Variants in ELP2 observed in about 807,000 individuals in gnomAD.
The protein encoded by ELP2 is elongator acetyltransferase complex subunit 2.
A neutral mutation model predicts 119.2 loss-of-function variants in ELP2; 90 were observed. The ratio of observed to expected loss-of-function variants is 0.75; its 90% CI spans 0.64 to 0.90. The LOEUF (loss-of-function observed/expected upper bound fraction) is 0.90, where lower values mean the gene tolerates loss of function less well. Ranked by LOEUF, ELP2 falls within the 40% of genes least tolerant of loss-of-function variation. The pLI is 0.00. For missense variants in ELP2, 921 were observed against 967.8 expected (o/e 0.95, Z 0.64); for synonymous variants, 339 against 331.0 (o/e 1.02, Z -0.26).
In ELP2 at chr18:36,154,955, A is replaced by G. The variant is rs762562709; in HGVS notation, c.1231A>G (p.Thr411Ala). 9 of 1,613,936 alleles carry G rather than the reference A, an allele frequency of 5.6e-6. No homozygotes were observed. The highest frequency in any genetic ancestry group is 7.6e-6 in the Non-Finnish European group (9 of 1,179,896). Residue 411 changes from threonine to alanine, a missense_variant, in exon 12 of 22, where the codon ACA becomes GCA. Physicochemically the swap from Thr to Ala is moderately conservative, Grantham distance 58. Coordinates refer to ENST00000358232, the MANE Select transcript of ELP2 (RefSeq NM_018255.4). ...TATTATCACTGTTGGTACTGATCAGACAACTAGACTTTTTGCTCCATGGAA... is the reference window on the plus strand; with the variant it reads ...TATTATCACTGTTGGTACTGATCAGGCAACTAGACTTTTTGCTCCATGGAA... ...EFIITVGTDQ[T>A]TRLFAPWKRK... is the part of the protein sequence containing the mutation.
At chr18:36,170,302 CTT>C (rs927647218) in intron 20 of ELP2, 106 bp downstream of exon 20, 1 of 1,263,312 alleles carries the variant, frequency 7.9e-7, no homozygotes, top group African/African-American at 1.5e-5. Flanking sequence ...GAGTTACTGT[CTT>C]TTTTTTCTTT....
At chr18:36,147,588 A>G (rs1899571237) in intron 11 of ELP2, among the ~76,000 whole-genome samples, 1 of 151,072 alleles carries the variant, frequency 6.6e-6, no homozygotes, top group African/African-American at 2.4e-5. Flanking sequence ...CTAATTTTGT[A>G]TTTTTATTAG....
At chr18:36,142,753 T>C (rs3737471) in intron 7 of ELP2, 73 bp from the exon 8 acceptor site, 56,230 of 989,400 alleles carry the variant, frequency 0.057, 2,069 homozygotes, top group East Asian at 0.12. Flanking sequence ...ATATATATTA[T>C]AGACAAAAAA....
At position 36,138,815 on chromosome 18, in the gene ELP2, A is replaced by T; in HGVS notation, c.466A>T (p.Asn156Tyr). 6.2e-7 allele frequency: 1 copy of T among 1,613,938 alleles called. No homozygotes were observed. Among genetic ancestry groups the T allele is most frequent in the South Asian group, 1.1e-5 (1 of 91,074 alleles). ...GPEVMCLQTL[N>Y]FGNGFALALC... is the part of the protein sequence containing the mutation. ...CTTAGTAATGTGCCTTCAGACTTTA[A>T]ACTTTGGAAATGGATTTGCTTTGGC... The change falls in exon 5 of 22, where the codon AAC (asparagine) becomes TAC (tyrosine). Residue 156 changes from asparagine (N) to tyrosine (Y), a missense_variant. Asn to Tyr is a moderately radical substitution (Grantham distance 143). Coordinates refer to ENST00000358232, the MANE Select transcript of ELP2 (RefSeq NM_018255.4).
chr18:36,139,676 G>A, intron 5 of ELP2: 3 of 1,398,568 alleles, frequency 2.1e-6, no homozygotes, highest in Non-Finnish European at 2.8e-6. Context: ...TCTAAAGTAA[G>A]AAAATCTTTG....
intron 1 of ELP2, among the ~76,000 whole-genome samples, chr18:36,130,588 G>A (rs887262432): frequency 1.3e-5 from 2 of 152,150 alleles, no homozygotes; most frequent in African/African-American, 4.8e-5. Context: ...GGTCATAGGG[G>A]ATGGGGATCC....
chr18:36,130,647 T>C (rs1010955), intron 1 of ELP2, among the ~76,000 whole-genome samples: 54,036 of 151,942 alleles, frequency 0.36, 9,696 homozygotes, highest in Middle Eastern at 0.43. Flanking sequence ...CCCAGTCAGT[T>C]GGTTATTTTC....
intron 19 of ELP2, among the ~76,000 whole-genome samples, chr18:36,168,646 G>C (rs888636392): frequency 6.6e-6 from 1 of 152,094 alleles, no homozygotes; most frequent in Non-Finnish European, 1.5e-5. Flanking sequence ...ACCTCCTACT[G>C]TGTCCCTCCC....
At chr18:36,152,424 A>G (rs867027835) in intron 11 of ELP2, among the ~76,000 whole-genome samples, 3 of 152,222 alleles carry the variant, frequency 2.0e-5, no homozygotes, top group Non-Finnish European at 4.4e-5. Flanking sequence ...ATTCTGCAGG[A>G]GTACCATCAC....
Position 36,138,312 on chromosome 18 carries a change from T to C in ELP2, c.331T>C (p.Tyr111His). Reference sequence around the variant, plus strand: ...TCTTCAAGGCCATGAAGGACCTGTTTATGCGGTGCATGCTGTTTACCAGAG... The same window carrying C: ...TCTTCAAGGCCATGAAGGACCTGTTCATGCGGTGCATGCTGTTTACCAGAG... ...VHLQGHEGPVYAVHAVYQRRT... is the reference protein window; with the variant it reads ...VHLQGHEGPVHAVHAVYQRRT... Residue 111 changes from tyrosine to histidine, a missense_variant, in exon 4 of 22, where the codon TAT (tyrosine) becomes CAT (histidine). By Grantham distance (83) the Tyr-to-His change is moderately conservative. Transcript: ENST00000358232. 6.2e-7 allele frequency: 1 copy of C among 1,614,176 alleles called. No individual in the cohort carries two copies. The highest frequency in any genetic ancestry group is 1.1e-5 in the South Asian group (1 of 91,080).
Position 36,179,846 on chromosome 18 carries a change from G to A in ELP2, c.*5205G>A, listed in dbSNP as rs1188786871. On this transcript the variant is annotated 3_prime_UTR_variant, in exon 22 of 22. Transcript: ENST00000358232. Reference sequence around the variant, plus strand: ...TATTTCATAGGGCAGTCTAGGTGAGGGTTGGAACCCCAATGAGTTGGGCAA... The same window carrying A: ...TATTTCATAGGGCAGTCTAGGTGAGAGTTGGAACCCCAATGAGTTGGGCAA... 2 of 152,114 alleles carry A rather than the reference G, an allele frequency of 1.3e-5. No homozygotes were observed. Among genetic ancestry groups the A allele is most frequent in the African/African-American group, 4.8e-5 (2 of 41,402 alleles). 9.4% of individuals were successfully genotyped at this position (152,114 alleles called of 1,614,324 possible).
At chr18:36,156,006 A>G (rs1347236880) in intron 12 of ELP2, among the ~76,000 whole-genome samples, 1 of 152,198 alleles carries the variant, frequency 6.6e-6, no homozygotes, top group Admixed American at 6.5e-5. Context: ...ATTATTAGAT[A>G]AGACCAGTTA....
chr18:36,145,045 A>C lies in ELP2; in HGVS notation c.892+11A>C. On this transcript the variant is annotated intron_variant, in intron 9 of 21. Coordinates refer to ENST00000358232, the MANE Select transcript of ELP2 (RefSeq NM_018255.4). ...CTGTGTTTTACAAAGGTAGGAAGAAAACCATACACATATCCCTTACTCCAG... is the reference window on the plus strand; with the variant it reads ...CTGTGTTTTACAAAGGTAGGAAGAACACCATACACATATCCCTTACTCCAG... 1 of 1,594,972 alleles carries C rather than the reference A, an allele frequency of 6.3e-7. No homozygotes were observed. Among genetic ancestry groups the C allele is most frequent in the Non-Finnish European group, 8.6e-7 (1 of 1,162,514 alleles).
Position 36,160,974 on chromosome 18 carries a change from T to C in ELP2, c.1731T>C (p.Ser577=), listed in dbSNP as rs763979638. Residue 577 remains serine, a synonymous_variant, in exon 17 of 22, where the codon AGT becomes AGC. Transcript: ENST00000358232. The part of the protein sequence containing the change: ...GYEIFCVTCN[S]SKTLLASACK... ...AAATATTTTGTGTTACTTGTAACAG[T>C]TCAAAGACTCTGCTTGCCTCAGCTT... The C allele has an allele frequency of 6.2e-7, 1 of 1,613,862 alleles. No individual in the cohort carries two copies. The highest frequency in any genetic ancestry group is 1.1e-5 in the South Asian group (1 of 91,076).
At position 36,176,338 on chromosome 18, in the gene ELP2, T is replaced by G. The variant is rs2091222187; in HGVS notation, c.*1697T>G. 1 of 152,230 alleles carries G rather than the reference T, an allele frequency of 6.6e-6. No individual in the cohort carries two copies. Among genetic ancestry groups the G allele is most frequent in the Non-Finnish European group, 1.5e-5 (1 of 68,068 alleles). The allele number at this position is 152,230 out of a possible 1,614,324, so 9.4% of individuals were successfully genotyped here. ...GCAGTGAGCATCTGAGCTTTGAACC[T>G]CAAAGACCAAAATGCCCTGCCCATT... is the stretch of plus-strand genomic sequence containing the variant. On this transcript the variant is annotated 3_prime_UTR_variant, in exon 22 of 22. Transcript: ENST00000358232.
At chr18:36,163,332 TG>T (rs1490344525) in intron 17 of ELP2, among the ~76,000 whole-genome samples, 1 of 148,250 alleles carries the variant, frequency 6.7e-6, no homozygotes, top group Non-Finnish European at 1.5e-5. Context: ...AATTATCCAT[TG>T]ATGGACACTG....
At chr18:36,171,591 C>T (rs2091083539) in intron 21 of ELP2, among the ~76,000 whole-genome samples, 1 of 152,234 alleles carries the variant, frequency 6.6e-6, no homozygotes, top group Non-Finnish European at 1.5e-5. Flanking sequence ...TAGCAAGGCT[C>T]ATGCCCTGGG....
Position 36,146,361 on chromosome 18 carries a change from A to G in ELP2, c.1105A>G (p.Lys369Glu). ...TTTCCACGGAGCGTTGCACCTTTGG[A>G]AACAGAATACAGTTAACCCAGTAAG... is the stretch of plus-strand genomic sequence containing the variant. ...HAFHGALHLW[K>E]QNTVNPREWT... Residue 369 changes from lysine (K) to glutamate (E), a missense_variant, in exon 11 of 22, where the codon AAA becomes GAA. Physicochemically the swap from Lys to Glu is moderately conservative, Grantham distance 56. Transcript: ENST00000358232. 6.2e-7 allele frequency: 1 copy of G among 1,614,108 alleles called. No homozygotes were observed. The highest frequency in any genetic ancestry group is 1.3e-5 in the African/African-American group (1 of 75,050).
chr18:36,136,587 T>G (rs906830184), intron 3 of ELP2: 4 of 565,678 alleles, frequency 7.1e-6, no homozygotes, highest in Middle Eastern at 4.8e-4. Context: ...GATGGGGTCT[T>G]ACTTTGTTGC....
Sources: gnomAD v4.1 joint callset for allele counts (sites outside exome capture counted in the v4.1 genomes callset) on GRCh38, gnomAD v4.1.1 for gene constraint, MANE v1.5 for transcripts, NCBI Gene and HGNC (gene_info 2026-07-23, HGNC 2026-07-21) for gene names.